The following EYS variants were observed in gnomAD, a reference collection of about 807,000 sequenced individuals.
EYS encodes protein eyes shut homolog.
A neutral mutation model predicts 282.1 loss-of-function variants in EYS; 250 were observed. The observed-to-expected ratio is 0.89, with a 90% CI of 0.80 to 0.98. The LOEUF (loss-of-function observed/expected upper bound fraction) is 0.98. Among genes scored for constraint, EYS ranks in the 50% least tolerant of loss-of-function variants. EYS has a pLI of 0.00. For missense variants in EYS, 4,016 were observed against 3,709.0 expected, an observed-to-expected ratio of 1.08 and a Z score of -2.15; for synonymous variants, 1,355 against 1,282.9, an observed-to-expected ratio of 1.06 and a Z score of -1.20.
intron 33 of EYS, among the ~76,000 whole-genome samples, chr6:64,023,225 T>C (rs1769276894): frequency 6.6e-6 from 1 of 152,260 alleles, no homozygotes; most frequent in Non-Finnish European, 1.5e-5. Context: ...TTTCATTGTA[T>C]GCATATAGCT....
chr6:64,282,856 T>G (rs150188353), intron 30 of EYS, among the ~76,000 whole-genome samples: 69 of 152,320 alleles, frequency 4.5e-4, no homozygotes, highest in African/African-American at 1.5e-3. Flanking sequence ...GAATTCTCAT[T>G]GTTTCATGTT....
intron 33 of EYS, among the ~76,000 whole-genome samples, chr6:64,003,434 A>G (rs1327079818): frequency 6.6e-6 from 1 of 152,202 alleles, no homozygotes. Context: ...ATGCTTTAAA[A>G]TAAATAATAT....
intron 21 of EYS, among the ~76,000 whole-genome samples, chr6:64,819,130 C>G (rs1295115969): frequency 6.6e-6 from 1 of 152,104 alleles, no homozygotes; most frequent in African/African-American, 2.4e-5. Flanking sequence ...AGTGTGTTAT[C>G]TAAGCATTGC....
At chr6:65,375,129 G>T (rs1765311398) in intron 8 of EYS, among the ~76,000 whole-genome samples, 1 of 152,132 alleles carries the variant, frequency 6.6e-6, no homozygotes. Flanking sequence ...CCTCGTATGG[G>T]AGAGCTCTGG....
chr6:65,220,256 A>G (rs1172746406), intron 12 of EYS, among the ~76,000 whole-genome samples: 3 of 152,130 alleles, frequency 2.0e-5, no homozygotes, highest in Non-Finnish European at 4.4e-5. Context: ...TATTGGAAAA[A>G]AAAATTCACT....
At chr6:65,329,740 T>C (rs1425178898) in intron 11 of EYS, 1 of 974,308 alleles carries the variant, frequency 1.0e-6, no homozygotes, top group East Asian at 1.1e-4. Context: ...AATAAATAAT[T>C]ATTAGACTTT....
chr6:65,358,671 A>T (rs10223727), intron 8 of EYS, among the ~76,000 whole-genome samples: 100,795 of 150,126 alleles, frequency 0.67, 33,920 homozygotes, highest in South Asian at 0.71. Flanking sequence ...TACCATAGAA[A>T]AACCCAACTT....
chr6:65,687,457 C>T (rs1769064662), intron 1 of EYS, among the ~76,000 whole-genome samples: 1 of 151,832 alleles, frequency 6.6e-6, no homozygotes, highest in Non-Finnish European at 1.5e-5. Context: ...AATAAATTAC[C>T]ACCTCACTTT....
At chr6:64,597,189 G>A (rs1006881423) in intron 24 of EYS, among the ~76,000 whole-genome samples, 4 of 152,174 alleles carry the variant, frequency 2.6e-5, no homozygotes, top group Non-Finnish European at 5.9e-5. Context: ...TAGTTAGAAT[G>A]GCTACCATTA....
rs1268849948 is a variant in EYS at position 65,590,809 on chromosome 6, TG to T, written c.-333+48968del. Among the ~76,000 whole-genome samples, 17 of 151,572 alleles carry T rather than the reference TG, an allele frequency of 1.1e-4. No homozygotes were observed. In the South Asian group the frequency reaches 3.3e-3, roughly 30 times the overall value. On this transcript the variant is annotated intron_variant, in intron 2 of 42. Transcript: ENST00000503581. ...GTTGCCTCAAAAAACAGAATTTTAA[TG>T]TTTTTTTTTTATGGCTGCATAATAT...
At chr6:64,505,747 A>T (rs1241363738) in intron 26 of EYS, among the ~76,000 whole-genome samples, 1 of 152,246 alleles carries the variant, frequency 6.6e-6, no homozygotes, top group African/African-American at 2.4e-5. Flanking sequence ...AACTTTAAGA[A>T]TCTAAATATT....
chr6:64,999,917 C>CTTGCACTCA (rs1410658866), intron 13 of EYS, among the ~76,000 whole-genome samples: 1 of 152,164 alleles, frequency 6.6e-6, no homozygotes, highest in East Asian at 1.9e-4. Flanking sequence ...CCAGTAAAAC[C>CTTGCACTCA]TTGCACTCAT....
At chr6:64,310,494 C>T (rs1365496823) in intron 29 of EYS, among the ~76,000 whole-genome samples, 1 of 152,060 alleles carries the variant, frequency 6.6e-6, no homozygotes, top group Non-Finnish European at 1.5e-5. Context: ...AAATCAAATA[C>T]CACATGTTCT....
rs1341863255 is a variant in EYS, at chr6:65,495,440, A to G, written c.-30T>C. 1.9e-6 allele frequency: 3 copies of G among 1,602,272 alleles called. No homozygotes were observed. The highest frequency in any genetic ancestry group is 2.5e-6 in the Non-Finnish European group (3 of 1,178,908). On this transcript the variant is annotated 5_prime_UTR_variant, in exon 4 of 43. An upstream start codon of the reference 5' UTR is lost. Coordinates refer to ENST00000503581, the MANE Select transcript of EYS (RefSeq NM_001142800.2). ...GGGTAGCTGTATTTTACAGTTTATC[A>G]TAAAGAATTGCTGCAAAATGGTGTT...
intron 36 of EYS, among the ~76,000 whole-genome samples, chr6:63,862,312 T>C (rs1385429907): frequency 3.3e-5 from 5 of 152,224 alleles, no homozygotes; most frequent in African/African-American, 1.2e-4. Context: ...TTATCTTTCT[T>C]GACAAGTTTT....
At chr6:64,839,241 G>A (rs947516403) in intron 19 of EYS, among the ~76,000 whole-genome samples, 2 of 151,926 alleles carry the variant, frequency 1.3e-5, no homozygotes, top group Non-Finnish European at 1.5e-5. Flanking sequence ...TGAAAAGCTA[G>A]ATTGGATACA....
At chr6:64,473,144 G>A (rs1290400661) in intron 26 of EYS, among the ~76,000 whole-genome samples, 1 of 152,120 alleles carries the variant, frequency 6.6e-6, no homozygotes, top group Non-Finnish European at 1.5e-5. Context: ...AAAAGAGGAA[G>A]ATATATGTGT....
chr6:64,514,260 G>A (rs1777495632), intron 26 of EYS, among the ~76,000 whole-genome samples: 1 of 151,774 alleles, frequency 6.6e-6, no homozygotes, highest in Admixed American at 6.6e-5. Context: ...AACCAAGTGT[G>A]AGTGAATATC....
intron 26 of EYS, among the ~76,000 whole-genome samples, chr6:64,555,593 C>T (rs553998502): frequency 5.3e-5 from 8 of 151,190 alleles, no homozygotes; most frequent in African/African-American, 1.9e-4. Context: ...TCATGTTGTA[C>T]ACAACAAAAA....
Sources: allele counts gnomAD v4.1 joint callset (sites outside exome capture counted in the v4.1 genomes callset), GRCh38; gene constraint gnomAD v4.1.1; transcripts MANE v1.5; gene names NCBI Gene and HGNC (gene_info 2026-07-23, HGNC 2026-07-21).